The following DOCK1 variants were observed in gnomAD, a reference collection of about 807,000 sequenced individuals.
DOCK1 encodes dedicator of cytokinesis protein 1.
DOCK1 carries 138 observed loss-of-function variants against 262.7 expected under a neutral mutation model. That is an observed-to-expected ratio of 0.53 (90% CI 0.46 to 0.61). The LOEUF is 0.61. Ranked by LOEUF, DOCK1 falls within the 20% of genes least tolerant of loss-of-function variation. The pLI is 0.00. For synonymous variants in DOCK1, 866 were observed against 867.4 expected, an observed-to-expected ratio of 1.00 and a Z score of 0.03; for missense variants, 1,908 against 2,370.7, an observed-to-expected ratio of 0.80 and a Z score of 4.05.
At chr10:127,068,289 A>T (rs1191869454) in intron 23 of DOCK1, among the ~76,000 whole-genome samples, 6 of 152,108 alleles carry the variant, frequency 3.9e-5, no homozygotes, top group Admixed American at 1.3e-4. Flanking sequence ...ACGGCTACTC[A>T]CAGATTTGTA....
At chr10:126,907,617 C>T (rs986148057) in intron 1 of DOCK1, among the ~76,000 whole-genome samples, 3 of 152,124 alleles carry the variant, frequency 2.0e-5, no homozygotes, top group African/African-American at 7.2e-5. Flanking sequence ...TGTTACCCTT[C>T]GTCTGCCCCC....
chr10:127,036,121 G>C (rs2043597220), intron 18 of DOCK1, among the ~76,000 whole-genome samples: 1 of 152,276 alleles, frequency 6.6e-6, no homozygotes, highest in South Asian at 2.1e-4. Flanking sequence ...TAGGCATTCT[G>C]CTAAGTGCTT....
intron 23 of DOCK1, among the ~76,000 whole-genome samples, chr10:127,066,448 G>A (rs892010263): frequency 1.1e-4 from 16 of 152,254 alleles, no homozygotes; most frequent in African/African-American, 3.6e-4. Context: ...CTCCCATCTG[G>A]TGATGACTTG....
At chr10:126,908,731 A>G (rs1385438294) in intron 1 of DOCK1, among the ~76,000 whole-genome samples, 2 of 152,152 alleles carry the variant, frequency 1.3e-5, no homozygotes, top group African/African-American at 2.4e-5. Flanking sequence ...TTGGTGGGTC[A>G]TGTTTACGGG....
chr10:127,162,197 T>A (rs925694952), intron 27 of DOCK1, among the ~76,000 whole-genome samples: 1 of 152,234 alleles, frequency 6.6e-6, no homozygotes, highest in African/African-American at 2.4e-5. Context: ...TAGAATGTCT[T>A]TCTGGGGAAG....
intron 27 of DOCK1, among the ~76,000 whole-genome samples, chr10:127,236,700 T>C (rs747993096): frequency 6.6e-5 from 10 of 151,992 alleles, no homozygotes; most frequent in Non-Finnish European, 1.2e-4. Flanking sequence ...GACTCCCGTG[T>C]CAATGTTTTG....
chr10:127,046,487 C>G (rs1283731321), intron 21 of DOCK1, among the ~76,000 whole-genome samples: 1 of 152,160 alleles, frequency 6.6e-6, no homozygotes, highest in Non-Finnish European at 1.5e-5. Context: ...TGCATGGTGG[C>G]TCACACCTGT....
chr10:127,331,923 G>C (rs998870458), intron 29 of DOCK1, among the ~76,000 whole-genome samples: 12 of 152,224 alleles, frequency 7.9e-5, no homozygotes, highest in African/African-American at 2.9e-4. Flanking sequence ...TGAAAGCAAT[G>C]ACAGTGTCTG....
rs79509865 is a variant in DOCK1 at position 127,289,181 on chromosome 10, A to C, written c.3044+31752A>C. On this transcript the variant is annotated intron_variant, in intron 29 of 51. Coordinates refer to ENST00000623213, the MANE Select transcript of DOCK1 (RefSeq NM_001290223.2). ...AAACACGCACACACAGATGCGTGCA[A>C]ACACATACTTGTATTCCCATCCCTT... Among the ~76,000 whole-genome samples the C allele has an allele frequency of 3.2e-3, 494 of 152,276 alleles. 1 individual carries two copies. The highest frequency in any genetic ancestry group is 0.01 in the African/African-American group (427 of 41,564).
intron 27 of DOCK1, among the ~76,000 whole-genome samples, chr10:127,199,803 A>G (rs2057372704): frequency 6.6e-6 from 1 of 152,192 alleles, no homozygotes; most frequent in African/African-American, 2.4e-5. Context: ...TTCCTGTCTC[A>G]GTGTGACCTC....
At chr10:127,411,563 A>G (rs7922572) in intron 43 of DOCK1, among the ~76,000 whole-genome samples, 38,844 of 152,110 alleles carry the variant, frequency 0.26, 5,254 homozygotes, top group African/African-American at 0.33. Flanking sequence ...TTTCCAGGCC[A>G]GGCATGGTGG....
intron 27 of DOCK1, chr10:127,135,869 G>T (rs2050647354): frequency 6.6e-6 from 1 of 152,526 alleles, no homozygotes; most frequent in Non-Finnish European, 1.5e-5. Context: ...AGATAGTTGG[G>T]ATTCTTAAAA....
intron 23 of DOCK1, among the ~76,000 whole-genome samples, chr10:127,080,749 A>G (rs1446441119): frequency 6.6e-6 from 1 of 152,072 alleles, no homozygotes; most frequent in African/African-American, 2.4e-5. Context: ...AGCTTTATTT[A>G]TTTTGTGTTT....
In DOCK1 at chr10:127,175,852, T is replaced by C. The variant is rs1189759049; in HGVS notation, c.2847+48088T>C. The C allele has an allele frequency of 6.2e-7, 1 of 1,614,150 alleles. No homozygotes were observed. The highest frequency in any genetic ancestry group is 2.2e-5 in the East Asian group (1 of 44,860). Reference sequence around the variant, plus strand: ...ACCCCCAAAGGCTGGTCCACTGTGTTCATGTGTTGGTTGGAATGGAAAACC... The same window carrying C: ...ACCCCCAAAGGCTGGTCCACTGTGTCCATGTGTTGGTTGGAATGGAAAACC... On this transcript the variant is annotated intron_variant, in intron 27 of 51. Coordinates refer to ENST00000623213, the MANE Select transcript of DOCK1 (RefSeq NM_001290223.2). This position sits in a 1 kb window ranked among gnomAD's most constrained non-coding sequence, Gnocchi z 6.3.
chr10:127,042,597 T>G, intron 19 of DOCK1, 28 bp from the exon 20 acceptor site: 1 of 1,608,126 alleles, frequency 6.2e-7, no homozygotes, highest in Non-Finnish European at 8.5e-7. Flanking sequence ...GGGTTCACAT[T>G]GTCACCCGAC....
At chr10:127,348,157 A>C (rs2063730035) in intron 31 of DOCK1, among the ~76,000 whole-genome samples, 1 of 151,732 alleles carries the variant, frequency 6.6e-6, no homozygotes, top group Non-Finnish European at 1.5e-5. Flanking sequence ...CCACAAAATA[A>C]ATAACCCCTA....
chr10:126,913,354 G>A (rs1056596556), intron 1 of DOCK1, among the ~76,000 whole-genome samples: 2 of 152,200 alleles, frequency 1.3e-5, no homozygotes, highest in Non-Finnish European at 2.9e-5. Context: ...AATCCCAGTT[G>A]GACAGTGATG....
At position 127,000,247 on chromosome 10, in the gene DOCK1, C is replaced by T. The variant is rs780582907; in HGVS notation, c.925C>T (p.Leu309=). The T allele has an allele frequency of 2.5e-6, 4 of 1,614,000 alleles. No homozygotes were observed. The South Asian group carries it at 4.4e-5, about 18-fold the overall frequency. Residue 309 remains leucine, a synonymous_variant, in exon 10 of 52, where the codon CTG becomes TTG. Transcript: ENST00000623213. Reference sequence around the variant, plus strand: ...GATTGTTCGCGTGGGTCGCATGGAGCTGAGGGACAACAACACCAGGAAACT... The same window carrying T: ...GATTGTTCGCGTGGGTCGCATGGAGTTGAGGGACAACAACACCAGGAAACT... ...CQIVRVGRME[L]RDNNTRKLTS...
At chr10:127,137,683 A>G (rs904811912) in intron 27 of DOCK1, 3 of 603,206 alleles carry the variant, frequency 5.0e-6, no homozygotes, top group South Asian at 2.7e-5. Flanking sequence ...TTAATTATCT[A>G]TTGGTACAAA....
Sources: gnomAD v4.1 joint callset for allele counts (sites outside exome capture counted in the v4.1 genomes callset) on GRCh38, gnomAD v4.1.1 for gene constraint, Gnocchi (gnomAD v3.1) non-coding constraint, MANE v1.5 for transcripts, NCBI Gene and HGNC (gene_info 2026-07-23, HGNC 2026-07-21) for gene names.